Variants in OPHN1 observed in about 807,000 individuals in gnomAD.
OPHN1 encodes oligophrenin-1.
A neutral mutation model predicts 60.7 loss-of-function variants in OPHN1; 11 were observed. That is an observed-to-expected ratio of 0.18 (90% CI 0.11 to 0.30). The LOEUF (loss-of-function observed/expected upper bound fraction) is 0.30. Among genes scored for constraint, OPHN1 ranks in the 10% least tolerant of loss-of-function variants. OPHN1 has a pLI of 1.00. For synonymous variants in OPHN1, 226 were observed against 222.6 expected, an observed-to-expected ratio of 1.02 and a Z score of -0.14; for missense variants, 449 against 611.0, an observed-to-expected ratio of 0.73 and a Z score of 2.80.
rs1490282904 is a variant in OPHN1 at position 68,042,779 on chromosome X, T to C, written c.*4393A>G. On this transcript the variant is annotated 3_prime_UTR_variant, in exon 25 of 25. Transcript: ENST00000355520. ...CACTTTTACACTGTTGGTTGGACTG[T>C]AAACTAGTTCAACCATTGTGGAAGT... 1.8e-4 allele frequency: 14 copies of C among 76,845 alleles called. No individual in the cohort carries two copies. Among genetic ancestry groups the C allele is most frequent in the African/African-American group, 4.5e-4 (9 of 19,945 alleles). The allele number at this position is 76,845 out of a possible 1,213,427, so 6.3% of individuals were successfully genotyped here. A position where few individuals can be genotyped will look rare whatever the true frequency, so the allele number is the denominator to read the frequency against.
chrX:68,288,111 A>G (rs2078053913), intron 3 of OPHN1, among the ~76,000 whole-genome samples: 1 of 112,103 alleles, frequency 8.9e-6, no homozygotes. Flanking sequence ...TATGTGGCAC[A>G]GGGCAAGAAG....
intron 15 of OPHN1, among the ~76,000 whole-genome samples, chrX:68,141,948 GAAA>G (rs2077245092): frequency 1.0e-5 from 1 of 97,951 alleles, no homozygotes; most frequent in South Asian, 5.0e-4. Context: ...AAGAAAGAAA[GAAA>G]GAAAGAAAGA....
chrX:68,192,623 T>C (rs1452135543), intron 15 of OPHN1: 3 of 301,446 alleles, frequency 1.0e-5, no homozygotes, highest in Non-Finnish European at 1.8e-5. Flanking sequence ...TCACTGGATT[T>C]GGTAAGAAGA....
intron 2 of OPHN1, among the ~76,000 whole-genome samples, chrX:68,364,745 T>C (rs1450537679): frequency 8.9e-6 from 1 of 112,389 alleles, no homozygotes; most frequent in Non-Finnish European, 1.9e-5. Context: ...TCAATCACAC[T>C]AGGCAAATTT....
chrX:68,420,788 T>C (rs759825835), intron 2 of OPHN1, among the ~76,000 whole-genome samples: 1 of 105,663 alleles, frequency 9.5e-6, no homozygotes, highest in South Asian at 4.2e-4. Flanking sequence ...CTTGGCAAGA[T>C]GCATTGAAGA....
At chrX:68,199,170 G>T (rs949590056) in intron 11 of OPHN1, among the ~76,000 whole-genome samples, 5 of 111,383 alleles carry the variant, frequency 4.5e-5, no homozygotes, top group Non-Finnish European at 9.4e-5. Flanking sequence ...TTCAAGCTCT[G>T]CCTTGCTATG....
intron 10 of OPHN1, among the ~76,000 whole-genome samples, chrX:68,205,268 T>C (rs1431236995): frequency 9.1e-6 from 1 of 110,227 alleles, no homozygotes; most frequent in African/African-American, 3.3e-5. Context: ...GCCAACATGG[T>C]GAAACTCCAT....
At chrX:68,297,615 A>T (rs1456463507) in intron 3 of OPHN1, among the ~76,000 whole-genome samples, 2 of 112,025 alleles carry the variant, frequency 1.8e-5, no homozygotes, top group African/African-American at 6.5e-5. Flanking sequence ...GAATAGCTAA[A>T]TATTAAATGA....
intron 20 of OPHN1, among the ~76,000 whole-genome samples, chrX:68,065,638 C>G (rs2076910516): frequency 9.0e-6 from 1 of 111,650 alleles, no homozygotes; most frequent in African/African-American, 3.3e-5. Flanking sequence ...GTACAAGTTC[C>G]CTATTCTCTC....
chrX:68,402,106 G>A (rs1264729907), intron 2 of OPHN1, among the ~76,000 whole-genome samples: 3 of 111,264 alleles, frequency 2.7e-5, no homozygotes, highest in Middle Eastern at 4.8e-3. Context: ...AGAAGTTGGC[G>A]GCTAGTGTTT....
chrX:68,213,003 C>T (rs962421481), intron 7 of OPHN1, among the ~76,000 whole-genome samples: 11 of 112,350 alleles, frequency 9.8e-5, no homozygotes, highest in South Asian at 3.7e-4. Context: ...AGAAATGTTT[C>T]ACAGGGTTGC....
At chrX:68,210,409 A>C (rs1239669297) in intron 8 of OPHN1, 127 bp from the exon 9 acceptor site, 1 of 669,421 alleles carries the variant, frequency 1.5e-6, no homozygotes, top group Non-Finnish European at 2.2e-6. Context: ...GCAAAAAAAG[A>C]AATGGTGAAT....
chrX:68,133,107 T>C lies in OPHN1; in HGVS notation c.1277-13775A>G, dbSNP rs919477325. 19 of 580,260 alleles carry C rather than the reference T, an allele frequency of 3.3e-5. No homozygotes were observed. The East Asian group carries it at 6.2e-4, about 19-fold the overall frequency. The allele number at this position is 580,260 out of a possible 1,213,427, so 47.8% of individuals were successfully genotyped here. A position where few individuals can be genotyped will look rare whatever the true frequency, so the allele number is the denominator to read the frequency against. ...GAGAAAATTTTTCAGAACATAAAAC[T>C]AGAATACAGTCGTTATCAGAGGTGG... On this transcript the variant is annotated intron_variant, in intron 15 of 24. Transcript: ENST00000355520.
At chrX:68,285,729 T>C (rs1352128846) in intron 3 of OPHN1, among the ~76,000 whole-genome samples, 3 of 110,939 alleles carry the variant, frequency 2.7e-5, no homozygotes, top group Non-Finnish European at 5.7e-5. Context: ...TTCCCTCAGA[T>C]TGAATGATCT....
At chrX:68,052,198 G>A (rs2076854677) in intron 23 of OPHN1, among the ~76,000 whole-genome samples, 1 of 109,835 alleles carries the variant, frequency 9.1e-6, no homozygotes, top group Non-Finnish European at 1.9e-5. Context: ...GCTGAGGTGG[G>A]AGGATCACTT....
At chrX:68,184,261 C>G (rs2077451458) in intron 15 of OPHN1, among the ~76,000 whole-genome samples, 1 of 111,943 alleles carries the variant, frequency 8.9e-6, no homozygotes, top group Non-Finnish European at 1.9e-5. Context: ...GTGGCTCATG[C>G]CTGTAATCCC....
At chrX:68,333,511 T>C (rs914010324) in intron 2 of OPHN1, among the ~76,000 whole-genome samples, 1 of 110,608 alleles carries the variant, frequency 9.0e-6, no homozygotes, top group Non-Finnish European at 1.9e-5. Context: ...GGCACATGCC[T>C]GTAATCCCAG....
rs746793553 is a variant in OPHN1 at position 68,317,709 on chromosome X, G to GAAAGA, written c.155-18618_155-18614dup. ...AGGGAGAGAGGGAGGGAAAGAGAAA[G>GAAAGA]AAAGAAAAGAAAAGAAAAGAAAAGA... On this transcript the variant is annotated intron_variant, in intron 2 of 24. Transcript: ENST00000355520. Among the ~76,000 whole-genome samples the GAAAGA allele has an allele frequency of 7.9e-3, 844 of 107,116 alleles. 7 individuals carry two copies. Among genetic ancestry groups the GAAAGA allele is most frequent in the South Asian group, 0.014 (33 of 2,417 alleles). The allele number at this position is 107,116 out of a possible 115,157, so 93.0% of individuals were successfully genotyped here.
intron 15 of OPHN1, among the ~76,000 whole-genome samples, chrX:68,132,556 G>T (rs1456860877): frequency 6.3e-5 from 4 of 63,326 alleles, no homozygotes; most frequent in African/African-American, 2.4e-4. Flanking sequence ...TGGTGGGGTC[G>T]GGGGAGGGGG....
Sources: allele counts gnomAD v4.1 joint callset (sites outside exome capture counted in the v4.1 genomes callset), GRCh38; gene constraint gnomAD v4.1.1; transcripts MANE v1.5; gene names NCBI Gene and HGNC (gene_info 2026-07-23, HGNC 2026-07-21).